The following CRYGS variants were observed in gnomAD, a reference collection of about 807,000 sequenced individuals.
CRYGS encodes gamma-crystallin S.
A neutral mutation model predicts 21.3 loss-of-function variants in CRYGS; 13 were observed. That is an observed-to-expected ratio of 0.61 (90% CI 0.40 to 0.97). CRYGS has a LOEUF of 0.97. CRYGS is among the 50% of genes least tolerant of loss of function. The pLI, the probability that CRYGS is intolerant of heterozygous loss-of-function variation, is 0.00. For missense variants in CRYGS, 205 were observed against 229.7 expected (o/e 0.89, Z 0.69); for synonymous variants, 67 against 75.0 (o/e 0.89, Z 0.55).
intron 1 of CRYGS, among the ~76,000 whole-genome samples, chr3:186,543,517 T>C (rs1714115243): frequency 6.6e-6 from 1 of 152,102 alleles, no homozygotes. Context: ...TAAAGAGAGA[T>C]GGAAATAGGA....
chr3:186,539,373 G>A lies in CRYGS; in HGVS notation c.246C>T (p.Ser82=), dbSNP rs930035003. ...GACTCACCAGATGAACAGCTCTGCA[G>A]GAGCTGAGGCGGTCGTTGAGGCCCA... is the stretch of plus-strand genomic sequence containing the variant. ...RWMGLNDRLS[S]CRAVHLPSGG... Residue 82 remains serine (S), a synonymous_variant, in exon 2 of 3, where the codon TCC becomes TCT. Coordinates refer to ENST00000307944, the MANE Select transcript of CRYGS (RefSeq NM_017541.4). 9.9e-6 allele frequency: 16 copies of A among 1,612,102 alleles called. No homozygotes were observed. The highest frequency in any genetic ancestry group is 1.4e-5 in the Non-Finnish European group (16 of 1,180,018).
At chr3:186,541,234 T>G (rs769710402) in intron 1 of CRYGS, among the ~76,000 whole-genome samples, 1 of 152,240 alleles carries the variant, frequency 6.6e-6, no homozygotes, top group Non-Finnish European at 1.5e-5. Context: ...GTTCTTTCTA[T>G]CTAGATACTA....
At chr3:186,541,203 C>T (rs944243021) in intron 1 of CRYGS, among the ~76,000 whole-genome samples, 1 of 152,210 alleles carries the variant, frequency 6.6e-6, no homozygotes, top group Non-Finnish European at 1.5e-5. Context: ...TATAAAATCT[C>T]ATTCTCCTCT....
chr3:186,538,466 A>G lies in CRYGS; in HGVS notation c.*230T>C, dbSNP rs1317807637. 20 of 593,518 alleles carry G rather than the reference A, an allele frequency of 3.4e-5. 1 individual carries two copies. The East Asian group carries it at 5.7e-4, about 17-fold the overall frequency. 36.8% of individuals were successfully genotyped at this position (593,518 alleles called of 1,614,324 possible). ...TATGACTTTCTAACCTTTTAATGAGATCTCATTTTGTTTGGCACAAAGATC... is the reference window on the plus strand; with the variant it reads ...TATGACTTTCTAACCTTTTAATGAGGTCTCATTTTGTTTGGCACAAAGATC... On this transcript the variant is annotated 3_prime_UTR_variant, in exon 3 of 3. Transcript: ENST00000307944.
intron 1 of CRYGS, among the ~76,000 whole-genome samples, chr3:186,541,103 T>C (rs961098305): frequency 6.6e-6 from 1 of 152,120 alleles, no homozygotes; most frequent in Non-Finnish European, 1.5e-5. Flanking sequence ...ATGTGAATGA[T>C]GATGAGAAAA....
chr3:186,542,709 A>C (rs1430367631), intron 1 of CRYGS, among the ~76,000 whole-genome samples: 1 of 152,226 alleles, frequency 6.6e-6, no homozygotes, highest in Non-Finnish European at 1.5e-5. Flanking sequence ...AAAGTTATTT[A>C]ACTAAATGAA....
chr3:186,541,171 C>T lies in CRYGS; in HGVS notation c.22-1574G>A, dbSNP rs146224963. Among the ~76,000 whole-genome samples, 36 of 152,196 alleles carry T rather than the reference C, an allele frequency of 2.4e-4. No homozygotes were observed. In the East Asian group the frequency reaches 5.0e-3, roughly 21 times the overall value. ...AGATGGAGGGAATGAGAGGAAGAAA[C>T]GAAGAATGACTCATAAAAAGCTATA... On this transcript the variant is annotated intron_variant, in intron 1 of 2. Coordinates refer to ENST00000307944, the MANE Select transcript of CRYGS (RefSeq NM_017541.4).
At position 186,538,871 on chromosome 3, in the gene CRYGS, T is replaced by G; in HGVS notation, c.362A>C (p.Gln121Pro). The G allele has an allele frequency of 6.2e-7, 1 of 1,614,114 alleles. No individual in the cohort carries two copies. The highest frequency in any genetic ancestry group is 2.2e-5 in the East Asian group (1 of 44,876). The change falls in exon 3 of 3, where the codon CAA becomes CCA. Residue 121 changes from glutamine to proline, a missense_variant. Coordinates refer to ENST00000307944, the MANE Select transcript of CRYGS (RefSeq NM_017541.4). Reference sequence around the variant, plus strand: ...GGAGTGGATCTCTCGCATGTGAAATTGCTCCATGATGGAAGGGCAATCTTC... The same window carrying G: ...GGAGTGGATCTCTCGCATGTGAAATGGCTCCATGATGGAAGGGCAATCTTC... ...TTEDCPSIME[Q>P]FHMREIHSCK...
rs115137405 is a variant in CRYGS, at chr3:186,542,620, G to A, written c.21+1686C>T. 5.5e-3 allele frequency among the ~76,000 whole-genome samples: 837 copies of A among 152,218 alleles called. 7 individuals carry two copies. The highest frequency in any genetic ancestry group is 0.019 in the African/African-American group (772 of 41,530). The stretch of plus-strand genomic sequence containing the variant: ...AGCCCATAACTCCTCTGATTAAACT[G>A]CTATCAAGATAGTGGGAAAGGAAGA... On this transcript the variant is annotated intron_variant, in intron 1 of 2. Coordinates refer to ENST00000307944, the MANE Select transcript of CRYGS (RefSeq NM_017541.4).
chr3:186,539,383 C>A lies in CRYGS; in HGVS notation c.236G>T (p.Arg79Leu). 6.2e-7 allele frequency: 1 copy of A among 1,612,218 alleles called. No homozygotes were observed. The highest frequency in any genetic ancestry group is 8.5e-7 in the Non-Finnish European group (1 of 1,180,000). The change falls in exon 2 of 3, where the codon CGC becomes CTC. Residue 79 changes from arginine to leucine, a missense_variant. By Grantham distance (102) the Arg-to-Leu change is moderately radical. Coordinates refer to ENST00000307944, the MANE Select transcript of CRYGS (RefSeq NM_017541.4). ...EYQRWMGLND[R>L]LSSCRAVHLP... The stretch of plus-strand genomic sequence containing the variant: ...ATGAACAGCTCTGCAGGAGCTGAGG[C>A]GGTCGTTGAGGCCCATCCAACGCTG...
chr3:186,543,853 A>G (rs893912385), intron 1 of CRYGS, among the ~76,000 whole-genome samples: 5 of 152,192 alleles, frequency 3.3e-5, no homozygotes, highest in African/African-American at 7.2e-5. Context: ...CTTGAATGGA[A>G]GAGAGATGTA....
intron 1 of CRYGS, chr3:186,540,343 T>C (rs139215737): frequency 4.1e-4 from 63 of 152,414 alleles, no homozygotes; most frequent in African/African-American, 1.4e-3. Flanking sequence ...GAGCTCCCTC[T>C]CTACAATTAG....
chr3:186,544,186 A>G, intron 1 of CRYGS, 120 bp downstream of exon 1: 1 of 777,472 alleles, frequency 1.3e-6, no homozygotes, highest in Non-Finnish European at 2.4e-6. Context: ...TTCTCTCTCA[A>G]TCCCAGTTCT....
chr3:186,544,292 A>G lies in CRYGS; in HGVS notation c.21+14T>C, dbSNP rs770665086. 8.2e-6 allele frequency: 13 copies of G among 1,593,084 alleles called. No homozygotes were observed. The Admixed American group carries it at 1.5e-4, about 18-fold the overall frequency. ...TGAAAAGCGGGTAGGCTAAAAATCA[A>G]TATGACTACTTACCTTGGTTCCAGT... is the stretch of plus-strand genomic sequence containing the variant. On this transcript the variant is annotated intron_variant, in intron 1 of 2. Transcript: ENST00000307944.
chr3:186,539,767 T>TTGTC, intron 1 of CRYGS, 170 bp from the exon 2 acceptor site: 2 of 728,258 alleles, frequency 2.7e-6, no homozygotes, highest in Non-Finnish European at 4.4e-6. Flanking sequence ...ACAACTTCAG[T>TTGTC]TGTCAACAAC....
At chr3:186,542,246 A>G (rs942509615) in intron 1 of CRYGS, among the ~76,000 whole-genome samples, 4 of 152,202 alleles carry the variant, frequency 2.6e-5, no homozygotes, top group African/African-American at 4.8e-5. Flanking sequence ...TCCTGTTGCT[A>G]TGGAATCATT....
chr3:186,539,615 C>T lies in CRYGS; in HGVS notation c.22-18G>A, dbSNP rs201354567. On this transcript the variant is annotated intron_variant, in intron 1 of 2. Coordinates refer to ENST00000307944, the MANE Select transcript of CRYGS (RefSeq NM_017541.4). ...AAAGTAATCTGAAGTAGAGGGCCAA[C>T]AGAGAAAGAGCTGAGGAGCTGGGTG... is the stretch of plus-strand genomic sequence containing the variant. 46 of 1,613,896 alleles carry T rather than the reference C, an allele frequency of 2.9e-5. No individual in the cohort carries two copies. The African/African-American group carries it at 5.2e-4, about 18-fold the overall frequency.
At position 186,538,940 on chromosome 3, in the gene CRYGS, A is replaced by G; in HGVS notation, c.293T>C (p.Ile98Thr). ...ACCACTAAAATCCCCTTTCTCAAAG[A>G]TCTGAATCTTATACTGGCCTCCACT... The part of the protein sequence containing the change: ...LPSGGQYKIQ[I>T]FEKGDFSGQM... The change falls in exon 3 of 3, where the codon ATC becomes ACC. Residue 98 changes from isoleucine (I) to threonine (T), a missense_variant. By Grantham distance (89) the Ile-to-Thr change is moderately conservative. Transcript: ENST00000307944. 1 of 1,614,156 alleles carries G rather than the reference A, an allele frequency of 6.2e-7. No individual in the cohort carries two copies. Among genetic ancestry groups the G allele is most frequent in the East Asian group, 2.2e-5 (1 of 44,876 alleles).
Position 186,539,211 on chromosome 3 carries a change from C to G in CRYGS, c.264+144G>C, listed in dbSNP as rs890193865. 8 of 1,182,252 alleles carry G rather than the reference C, an allele frequency of 6.8e-6. No homozygotes were observed. In the African/African-American group the frequency reaches 7.5e-5, roughly 11 times the overall value. The allele number at this position is 1,182,252 out of a possible 1,614,324, so 73.2% of individuals were successfully genotyped here. A position where few individuals can be genotyped will look rare whatever the true frequency, so the allele number is the denominator to read the frequency against. On this transcript the variant is annotated intron_variant, in intron 2 of 2. Coordinates refer to ENST00000307944, the MANE Select transcript of CRYGS (RefSeq NM_017541.4). ...GTAGTCATTCTAGTGATGAGCTGCT[C>G]TAAGATGTTACTCAAGCCTCAGCAG...
Sources: gnomAD v4.1 joint callset for allele counts (sites outside exome capture counted in the v4.1 genomes callset) on GRCh38, gnomAD v4.1.1 for gene constraint, MANE v1.5 for transcripts, NCBI Gene and HGNC (gene_info 2026-07-23, HGNC 2026-07-21) for gene names.